Variants in MXI1 observed in about 807,000 individuals in gnomAD.
MXI1 encodes the protein MAX interactor 1, dimerization protein.
In MXI1, 18 loss-of-function variants were observed where a neutral mutation model predicts 36.9. The observed-to-expected ratio is 0.49, with a 90% CI of 0.34 to 0.72. MXI1 has a LOEUF of 0.72. MXI1 is among the 30% of genes least tolerant of loss of function. The pLI, the probability that MXI1 is intolerant of heterozygous loss-of-function variation, is 0.01. For missense variants in MXI1, 304 were observed against 379.1 expected (o/e 0.80, Z 1.64); for synonymous variants, 160 against 146.7 (o/e 1.09, Z -0.65).
In MXI1 at chr10:110,207,772, C is replaced by T; in HGVS notation, c.-37C>T. 8.8e-7 allele frequency: 1 copy of T among 1,131,762 alleles called. No individual in the cohort carries two copies. The allele number at this position is 1,131,762 out of a possible 1,614,324, so 70.1% of individuals were successfully genotyped here. ...CGGAGCTCGGCCGGGCCGCGCAGCC[C>T]CGTTAGAGGACGAGCTCGGCGGACC... On this transcript the variant is annotated 5_prime_UTR_variant, in exon 1 of 6. Transcript: ENST00000332674.
chr10:110,220,246 T>C (rs1854767534), intron 1 of MXI1, among the ~76,000 whole-genome samples: 2 of 152,174 alleles, frequency 1.3e-5, no homozygotes, highest in Non-Finnish European at 2.9e-5. Context: ...TGCTGAGGAT[T>C]AAATGAACTG....
intron 1 of MXI1, chr10:110,226,216 G>A: frequency 6.7e-7 from 1 of 1,485,624 alleles, no homozygotes; most frequent in African/African-American, 1.4e-5. Flanking sequence ...TGCCCATGGA[G>A]CGGGTGAAGA....
chr10:110,241,540 C>T (rs1015798361), intron 2 of MXI1, among the ~76,000 whole-genome samples: 3 of 151,870 alleles, frequency 2.0e-5, no homozygotes, highest in African/African-American at 4.8e-5. Flanking sequence ...TCTCTGTGTA[C>T]GTATAATTAG....
At chr10:110,213,513 T>G (rs1240676583) in intron 1 of MXI1, among the ~76,000 whole-genome samples, 1 of 152,222 alleles carries the variant, frequency 6.6e-6, no homozygotes, top group East Asian at 1.9e-4. Flanking sequence ...ACTTATTTTT[T>G]CCAGTTTTAA....
At chr10:110,271,206 G>A (rs140758027) in intron 3 of MXI1, among the ~76,000 whole-genome samples, 2 of 151,922 alleles carry the variant, frequency 1.3e-5, no homozygotes, top group East Asian at 3.9e-4. Flanking sequence ...GGTGATTTCA[G>A]CTGCACCAGA....
At chr10:110,228,716 G>GT (rs1323627447) in intron 2 of MXI1, among the ~76,000 whole-genome samples, 1 of 152,136 alleles carries the variant, frequency 6.6e-6, no homozygotes, top group South Asian at 2.1e-4. Context: ...AGAATCAAGG[G>GT]TTTGTTAAAG....
intron 1 of MXI1, among the ~76,000 whole-genome samples, chr10:110,223,969 C>T (rs1246007610): frequency 6.6e-6 from 1 of 151,230 alleles, no homozygotes; most frequent in African/African-American, 2.4e-5. Context: ...TGTGACCTCA[C>T]TGGAGATTTT....
Position 110,284,810 on chromosome 10 carries a change from T to TTA in MXI1, c.725-13_725-12insAT. The stretch of plus-strand genomic sequence containing the variant: ...GATAATTAATGTTCTTCTTTTTTTT[T>TTA]TTTCCTTTGGCAGAGGAGATTGAAG... On this transcript the variant is annotated splice_polypyrimidine_tract_variant and intron_variant, in intron 5 of 5. Coordinates refer to ENST00000332674, the MANE Select transcript of MXI1 (RefSeq NM_130439.3). 1 of 1,583,348 alleles carries TTA rather than the reference T, an allele frequency of 6.3e-7. No homozygotes were observed. The highest frequency in any genetic ancestry group is 8.5e-7 in the Non-Finnish European group (1 of 1,170,034).
chr10:110,211,092 G>C (rs1470779900), intron 1 of MXI1, among the ~76,000 whole-genome samples: 1 of 132,108 alleles, frequency 7.6e-6, no homozygotes, highest in Non-Finnish European at 1.6e-5. Flanking sequence ...TTTTTTTTTC[G>C]GTCACTACTG....
At chr10:110,255,850 C>G (rs1301031310) in intron 3 of MXI1, among the ~76,000 whole-genome samples, 5 of 151,826 alleles carry the variant, frequency 3.3e-5, no homozygotes, top group Non-Finnish European at 7.4e-5. Flanking sequence ...ATGCAAGGTA[C>G]CCAGAATAAC....
intron 3 of MXI1, among the ~76,000 whole-genome samples, chr10:110,259,448 G>A (rs1376811155): frequency 6.6e-6 from 1 of 152,022 alleles, no homozygotes; most frequent in Non-Finnish European, 1.5e-5. Context: ...TTCTTTTGCT[G>A]CATATTGTAA....
chr10:110,252,724 T>C (rs1018678798), intron 3 of MXI1, among the ~76,000 whole-genome samples: 11 of 152,090 alleles, frequency 7.2e-5, no homozygotes, highest in African/African-American at 1.9e-4. Flanking sequence ...TAAAAATTCA[T>C]TGAATGAAAA....
At chr10:110,223,537 A>G (rs1204122960) in intron 1 of MXI1, among the ~76,000 whole-genome samples, 1 of 152,100 alleles carries the variant, frequency 6.6e-6, no homozygotes, top group Non-Finnish European at 1.5e-5. Flanking sequence ...GCGCCACTGC[A>G]CTCCAGCTGG....
At position 110,273,439 on chromosome 10, in the gene MXI1, A is replaced by G. The variant is rs1856925231; in HGVS notation, c.438-5741A>G. ...GTAAATAAAACTCATGAACCACAAT[A>G]TGCTTTTGATATATCAGGATCCATT... On this transcript the variant is annotated intron_variant, in intron 3 of 5. Transcript: ENST00000332674. Among the ~76,000 whole-genome samples, 9 of 152,306 alleles carry G rather than the reference A, an allele frequency of 5.9e-5. No individual in the cohort carries two copies. The South Asian group carries it at 1.9e-3, about 32-fold the overall frequency.
intron 3 of MXI1, among the ~76,000 whole-genome samples, chr10:110,267,560 C>T (rs535432579): frequency 1.3e-5 from 2 of 152,076 alleles, no homozygotes; most frequent in Non-Finnish European, 1.5e-5. Flanking sequence ...AGCTTGTATT[C>T]GACAAAGCTG....
chr10:110,268,580 C>G (rs1236823869), intron 3 of MXI1, among the ~76,000 whole-genome samples: 1 of 152,138 alleles, frequency 6.6e-6, no homozygotes, highest in African/African-American at 2.4e-5. Context: ...AAGGCATGTT[C>G]ACTTTCTATC....
chr10:110,252,722 C>T (rs568746914), intron 3 of MXI1, among the ~76,000 whole-genome samples: 1 of 152,030 alleles, frequency 6.6e-6, no homozygotes, highest in African/African-American at 2.4e-5. Context: ...AGTAAAAATT[C>T]ATTGAATGAA....
chr10:110,284,243 G>A (rs1214987888), intron 5 of MXI1, among the ~76,000 whole-genome samples: 1 of 151,544 alleles, frequency 6.6e-6, no homozygotes, highest in African/African-American at 2.4e-5. Context: ...AGCTATATTT[G>A]ATGCAAGAAA....
intron 2 of MXI1, among the ~76,000 whole-genome samples, chr10:110,243,066 A>G (rs759900207): frequency 3.3e-5 from 5 of 152,008 alleles, no homozygotes; most frequent in Non-Finnish European, 5.9e-5. Flanking sequence ...ACGTCTTTAA[A>G]TAGGCCTTTT....
Sources: allele counts gnomAD v4.1 joint callset (sites outside exome capture counted in the v4.1 genomes callset), GRCh38; gene constraint gnomAD v4.1.1; transcripts MANE v1.5; gene names NCBI Gene and HGNC (gene_info 2026-07-23, HGNC 2026-07-21).